The following SYNPR variants were observed in gnomAD, a reference collection of about 807,000 sequenced individuals.
SYNPR encodes the protein synaptoporin.
Under a neutral mutation model 32.9 loss-of-function variants are expected in SYNPR, and 23 were observed. That is an observed-to-expected ratio of 0.70 (90% CI 0.50 to 0.99). SYNPR has a LOEUF of 0.99. SYNPR is among the 50% of genes least tolerant of loss of function. The pLI, the probability that SYNPR is intolerant of heterozygous loss-of-function variation, is 0.00. For missense variants in SYNPR, 318 were observed against 349.3 expected (o/e 0.91, Z 0.71); for synonymous variants, 146 against 135.9 (o/e 1.07, Z -0.52).
intron 2 of SYNPR, among the ~76,000 whole-genome samples, chr3:63,328,706 A>G (rs1403039699): frequency 1.3e-5 from 2 of 152,154 alleles, no homozygotes; most frequent in Non-Finnish European, 2.9e-5. Flanking sequence ...GTGACCTCAG[A>G]GGAACCTGGG....
At chr3:63,330,242 C>A (rs888119017) in intron 2 of SYNPR, 1 of 152,226 alleles carries the variant, frequency 6.6e-6, no homozygotes, top group Non-Finnish European at 1.5e-5. Flanking sequence ...TCTACTGGTG[C>A]ATTCTTCTGG....
chr3:63,516,296 G>C lies in SYNPR; in HGVS notation c.209+35340G>C, dbSNP rs371798790. On this transcript the variant is annotated intron_variant, in intron 3 of 5. Transcript: ENST00000478300. ...TTGGGCAACTCACACTGGATCAATC[G>C]GCTTTCTGGTTTGATATACTTTGGA... 1.4e-3 allele frequency among the ~76,000 whole-genome samples: 206 copies of C among 152,062 alleles called. 2 individuals carry two copies. The highest frequency in any genetic ancestry group is 4.7e-3 in the African/African-American group (197 of 41,508).
intron 5 of SYNPR, among the ~76,000 whole-genome samples, chr3:63,611,105 G>A (rs1300118865): frequency 6.6e-6 from 1 of 152,136 alleles, no homozygotes; most frequent in Non-Finnish European, 1.5e-5. Flanking sequence ...ACCAATGTTT[G>A]TATGCATTAG....
chr3:63,299,188 G>A (rs781236477), intron 2 of SYNPR, among the ~76,000 whole-genome samples: 14 of 152,132 alleles, frequency 9.2e-5, no homozygotes, highest in Non-Finnish European at 2.1e-4. Context: ...GGAAAGAATT[G>A]GAGTTATCAA....
chr3:63,436,196 T>A (rs888023292), intron 2 of SYNPR, among the ~76,000 whole-genome samples: 2 of 152,102 alleles, frequency 1.3e-5, no homozygotes, highest in African/African-American at 4.8e-5. Flanking sequence ...TTTTTTTTTT[T>A]AATACTTTAA....
chr3:63,376,414 T>C (rs1371675836), intron 2 of SYNPR, among the ~76,000 whole-genome samples: 1 of 152,210 alleles, frequency 6.6e-6, no homozygotes, highest in Non-Finnish European at 1.5e-5. Flanking sequence ...CTATTTATCC[T>C]GGCCTATAAC....
At chr3:63,337,952 A>G (rs528195438) in intron 2 of SYNPR, among the ~76,000 whole-genome samples, 1 of 152,228 alleles carries the variant, frequency 6.6e-6, no homozygotes, top group Non-Finnish European at 1.5e-5. Context: ...GCATGACATT[A>G]TACATTTGAC....
rs1178751319 is a variant in SYNPR at position 63,338,806 on chromosome 3, C to T, written c.84+60064C>T. 2.6e-5 allele frequency among the ~76,000 whole-genome samples: 4 copies of T among 152,330 alleles called. No individual in the cohort carries two copies. The East Asian group carries it at 5.8e-4, about 22-fold the overall frequency. On this transcript the variant is annotated intron_variant, in intron 2 of 5. Coordinates refer to ENST00000478300, the MANE Select transcript of SYNPR (RefSeq NM_001130003.2). ...ATGCTGTTCACAGGTTTCTCCGAAG[C>T]AGGGACATGTTCAGAATCCAGCAAT...
intron 4 of SYNPR, among the ~76,000 whole-genome samples, chr3:63,578,175 G>T (rs946872956): frequency 6.6e-6 from 1 of 152,126 alleles, no homozygotes; most frequent in Non-Finnish European, 1.5e-5. Context: ...CTTCCCTTGG[G>T]ATAGTGTAAG....
chr3:63,206,783 T>C, the SYNPR span, among the ~76,000 whole-genome samples: 1 of 152,252 alleles, frequency 6.6e-6, no homozygotes, highest in South Asian at 2.1e-4. Context: ...GGGCCATTGA[T>C]CCTAGCCATA....
At chr3:63,473,202 G>A (rs1254238961) in intron 2 of SYNPR, among the ~76,000 whole-genome samples, 1 of 152,026 alleles carries the variant, frequency 6.6e-6, no homozygotes. Context: ...CCTGGTTTCT[G>A]CTTAGCTATC....
chr3:63,472,395 T>C (rs929358404), intron 2 of SYNPR, among the ~76,000 whole-genome samples: 1 of 152,142 alleles, frequency 6.6e-6, no homozygotes, highest in East Asian at 1.9e-4. Context: ...TTTAGGATGT[T>C]GTTGAGAGGA....
intron 2 of SYNPR, among the ~76,000 whole-genome samples, chr3:63,321,018 G>A (rs775430524): frequency 6.6e-6 from 1 of 151,942 alleles, no homozygotes; most frequent in Non-Finnish European, 1.5e-5. Flanking sequence ...GAAAAATCAA[G>A]GACAACAAGG....
chr3:63,228,511 T>G (rs1187891801), intron 1 of SYNPR: 1 of 152,190 alleles, frequency 6.6e-6, no homozygotes, highest in Admixed American at 6.5e-5. Flanking sequence ...ACTTCACATT[T>G]GTGAAACTTT....
chr3:63,565,914 T>C (rs1702775767), intron 4 of SYNPR, among the ~76,000 whole-genome samples: 1 of 152,164 alleles, frequency 6.6e-6, no homozygotes, highest in Non-Finnish European at 1.5e-5. Context: ...TATCCTCTTG[T>C]GTCCCCTCTC....
intron 3 of SYNPR, among the ~76,000 whole-genome samples, chr3:63,536,547 G>T (rs1460637349): frequency 1.3e-5 from 2 of 152,122 alleles, no homozygotes; most frequent in African/African-American, 4.8e-5. Flanking sequence ...AAAACAGTTT[G>T]GCAGTTCCTC....
intron 4 of SYNPR, among the ~76,000 whole-genome samples, chr3:63,562,883 AC>A (rs1188627116): frequency 6.6e-6 from 1 of 152,192 alleles, no homozygotes; most frequent in Non-Finnish European, 1.5e-5. Flanking sequence ...GGAAGCTGTT[AC>A]TTCACGTATA....
At chr3:63,332,335 C>A (rs1425924712) in intron 2 of SYNPR, among the ~76,000 whole-genome samples, 1 of 152,140 alleles carries the variant, frequency 6.6e-6, no homozygotes, top group Admixed American at 6.5e-5. Flanking sequence ...AGGTTTGATC[C>A]CTTTACCCTT....
intron 1 of SYNPR, among the ~76,000 whole-genome samples, chr3:63,251,419 G>A (rs562045098): frequency 1.3e-5 from 2 of 152,228 alleles, no homozygotes; most frequent in East Asian, 1.9e-4. Flanking sequence ...GAATTCAGGG[G>A]TTCAAGAGTG....
Sources: allele counts gnomAD v4.1 joint callset (sites outside exome capture counted in the v4.1 genomes callset), GRCh38; gene constraint gnomAD v4.1.1; transcripts MANE v1.5; gene names NCBI Gene and HGNC (gene_info 2026-07-23, HGNC 2026-07-21).